Variants in TP63 observed in about 807,000 individuals in gnomAD.
TP63 encodes tumor protein 63.
TP63 carries 17 observed loss-of-function variants against 82.8 expected under a neutral mutation model. That is an observed-to-expected ratio of 0.21 (90% confidence interval 0.14 to 0.31). The LOEUF (loss-of-function observed/expected upper bound fraction) is 0.31. TP63 is among the 10% of genes least tolerant of loss of function. The probability of loss-of-function intolerance (pLI) is 1.00; values close to 1 mark genes in which losing one functional copy is unlikely to be tolerated. For missense variants in TP63, 648 were observed against 895.3 expected, an observed-to-expected ratio of 0.72 and a Z score of 3.52; for synonymous variants, 330 against 321.7, an observed-to-expected ratio of 1.03 and a Z score of -0.28.
At chr3:189,872,753 TAAAC>T (rs1185052989) in intron 9 of TP63, 102 bp from the exon 10 acceptor site, 1 of 1,512,218 alleles carries the variant, frequency 6.6e-7, no homozygotes, top group Admixed American at 1.9e-5. Flanking sequence ...CGTTAGCAAA[TAAAC>T]AAATTGCAAT....
At chr3:189,839,381 C>T (rs139025034) in intron 4 of TP63, among the ~76,000 whole-genome samples, 32 of 152,188 alleles carry the variant, frequency 2.1e-4, no homozygotes, top group Middle Eastern at 3.4e-3. Flanking sequence ...TGGACTTCCC[C>T]GACCTTGGAA....
At position 189,689,098 on chromosome 3, in the gene TP63, C is replaced by CTTTTTTTTTTTTTTTTT. The variant is rs1383931117; in HGVS notation, c.63-48637_63-48636insTTTTTTTTTTTTTTTTT. Among the ~76,000 whole-genome samples, 17 of 85,152 alleles carry CTTTTTTTTTTTTTTTTT rather than the reference C, an allele frequency of 2.0e-4. 6 individuals carry two copies. Among genetic ancestry groups the CTTTTTTTTTTTTTTTTT allele is most frequent in the Non-Finnish European group, 2.3e-4 (11 of 46,816 alleles). 55.9% of individuals were successfully genotyped at this position (85,152 alleles called of 152,430 possible). On this transcript the variant is annotated intron_variant, in intron 1 of 13. Transcript: ENST00000264731. ...CAGAGTGGCCAGCATTCAAATCTAC[C>CTTTTTTTTTTTTTTTTT]TTTTTCTTTTTTTTTTTTTTTTTTT... is the stretch of plus-strand genomic sequence containing the variant.
intron 1 of TP63, among the ~76,000 whole-genome samples, chr3:189,713,105 T>C (rs1718711742): frequency 2.6e-5 from 4 of 152,208 alleles, no homozygotes. Context: ...ATTTGGCTTA[T>C]GGTCAGATAG....
chr3:189,628,603 G>T (rs569302828), upstream of TP63, among the ~76,000 whole-genome samples: 10 of 152,184 alleles, frequency 6.6e-5, no homozygotes, highest in Admixed American at 5.2e-4. Flanking sequence ...GTCATGGTCA[G>T]AAAGGCAATT....
rs148207196 is a variant in TP63, at chr3:189,677,216, A to G, written c.62+45639A>G. ...TGTGTGTTTGTGTGTGTGTGTGTGT[A>G]TACATATTGCATGTTTATATATGTA... is the stretch of plus-strand genomic sequence containing the variant. On this transcript the variant is annotated intron_variant, in intron 1 of 13. Transcript: ENST00000264731. Among the ~76,000 whole-genome samples, 41 of 149,444 alleles carry G rather than the reference A, an allele frequency of 2.7e-4. No individual in the cohort carries two copies. The East Asian group carries it at 7.8e-3, about 28-fold the overall frequency.
At chr3:189,739,635 C>T (rs141701000) in intron 3 of TP63, among the ~76,000 whole-genome samples, 304 of 152,184 alleles carry the variant, frequency 2.0e-3, no homozygotes, top group Middle Eastern at 6.8e-3. Flanking sequence ...ATCTTAGGCC[C>T]CAGTTCCTCA....
chr3:189,730,615 T>G (rs1432314605), intron 1 of TP63, among the ~76,000 whole-genome samples: 1 of 152,238 alleles, frequency 6.6e-6, no homozygotes, highest in Non-Finnish European at 1.5e-5. Flanking sequence ...AAGATCATCA[T>G]GTATAAATGC....
rs560724357 is a variant in TP63 at position 189,814,091 on chromosome 3, C to T, written c.579+5565C>T. Among the ~76,000 whole-genome samples, 10 of 152,320 alleles carry T rather than the reference C, an allele frequency of 6.6e-5. No individual in the cohort carries two copies. In the East Asian group the frequency reaches 1.9e-3, roughly 29 times the overall value. On this transcript the variant is annotated intron_variant, in intron 4 of 13. Coordinates refer to ENST00000264731, the MANE Select transcript of TP63 (RefSeq NM_003722.5). ...TGGGTCTTGGTCTCGCAAGCTCACT[C>T]CCTTTGGCTCCGCAGGCAGGCTGAG...
At chr3:189,876,588 C>T (rs1428162007) in intron 10 of TP63, among the ~76,000 whole-genome samples, 1 of 152,118 alleles carries the variant, frequency 6.6e-6, no homozygotes, top group Non-Finnish European at 1.5e-5. Flanking sequence ...GCTGTGATAA[C>T]TTGTGCATGG....
chr3:189,666,958 A>G (rs1714440046), intron 1 of TP63, among the ~76,000 whole-genome samples: 1 of 150,792 alleles, frequency 6.6e-6, no homozygotes, highest in Admixed American at 6.6e-5. Flanking sequence ...ACACACTGAT[A>G]TTGGACAAAA....
intron 1 of TP63, among the ~76,000 whole-genome samples, chr3:189,657,246 T>C (rs981641244): frequency 6.6e-6 from 1 of 152,070 alleles, no homozygotes; most frequent in Non-Finnish European, 1.5e-5. Context: ...AACTATTCTG[T>C]ATAATACTGC....
intron 3 of TP63, among the ~76,000 whole-genome samples, chr3:189,755,702 C>T (rs2108529050): frequency 1.3e-5 from 2 of 152,140 alleles, no homozygotes; most frequent in Admixed American, 1.3e-4. Context: ...AACTTCTTTT[C>T]ATGAATCTTG....
intron 4 of TP63, among the ~76,000 whole-genome samples, chr3:189,853,953 G>A (rs2108772124): frequency 6.6e-6 from 1 of 152,162 alleles, no homozygotes; most frequent in Middle Eastern, 3.4e-3. Flanking sequence ...AGCAACTTGA[G>A]GATAAAGATC....
At chr3:189,818,508 T>C (rs1401828753) in intron 4 of TP63, among the ~76,000 whole-genome samples, 1 of 152,120 alleles carries the variant, frequency 6.6e-6, no homozygotes, top group Non-Finnish European at 1.5e-5. Flanking sequence ...TTTTAACATT[T>C]TGACATGCCA....
chr3:189,833,538 G>C (rs926973571), intron 4 of TP63, among the ~76,000 whole-genome samples: 1 of 152,218 alleles, frequency 6.6e-6, no homozygotes, highest in African/African-American at 2.4e-5. Context: ...AGATTGAGAA[G>C]TGAACTTGAG....
At chr3:189,621,713 AT>A in the TP63 span, among the ~76,000 whole-genome samples, 4 of 151,466 alleles carry the variant, frequency 2.6e-5, no homozygotes, top group African/African-American at 7.3e-5. Flanking sequence ...GAAAAGAAGG[AT>A]TTTTTTTTAC....
chr3:189,849,067 C>T (rs1018753361), intron 4 of TP63, among the ~76,000 whole-genome samples: 1 of 152,124 alleles, frequency 6.6e-6, no homozygotes, highest in Non-Finnish European at 1.5e-5. Flanking sequence ...TTCATAAAAA[C>T]CCAAAAGGAC....
At chr3:189,674,076 T>G (rs1015092709) in intron 1 of TP63, among the ~76,000 whole-genome samples, 2 of 152,130 alleles carry the variant, frequency 1.3e-5, no homozygotes, top group Non-Finnish European at 2.9e-5. Context: ...AAATCCAGGC[T>G]TATTTAGCCT....
intron 3 of TP63, among the ~76,000 whole-genome samples, chr3:189,791,301 T>C (rs988703505): frequency 6.6e-6 from 1 of 152,118 alleles, no homozygotes; most frequent in Non-Finnish European, 1.5e-5. Flanking sequence ...AGTCTGTTCA[T>C]TGATATCTCT....
Sources: gnomAD v4.1 joint callset for allele counts (sites outside exome capture counted in the v4.1 genomes callset) on GRCh38, gnomAD v4.1.1 for gene constraint, MANE v1.5 for transcripts, NCBI Gene and HGNC (gene_info 2026-07-23, HGNC 2026-07-21) for gene names.